The following PRUNE2 variants were observed in gnomAD, a reference collection of about 807,000 sequenced individuals.
The protein encoded by PRUNE2 is prune homolog 2 with BCH domain.
In PRUNE2, 164 loss-of-function variants were observed where a neutral mutation model predicts 252.0. The observed-to-expected ratio is 0.65, with a 90% confidence interval of 0.57 to 0.74. PRUNE2 has a LOEUF of 0.74. PRUNE2 is among the 30% of genes least tolerant of loss of function. PRUNE2 has a pLI of 0.00. For missense variants in PRUNE2, 3,495 were observed against 3,711.0 expected (o/e 0.94, Z 1.51); for synonymous variants, 1,292 against 1,350.2 (o/e 0.96, Z 0.94).
chr9:76,708,486 T>A lies in PRUNE2; in HGVS notation c.3788A>T (p.His1263Leu), dbSNP rs1424244804. 9.3e-6 allele frequency: 15 copies of A among 1,613,822 alleles called. No homozygotes were observed. The highest frequency in any genetic ancestry group is 1.7e-5 in the Admixed American group (1 of 59,980). Reference sequence around the variant, plus strand: ...AGAGGCTGCTGGCGCATCTGGGGAATGAGTGTCTTTAACATTTGCTGAATG... The same window carrying A: ...AGAGGCTGCTGGCGCATCTGGGGAAAGAGTGTCTTTAACATTTGCTGAATG... ...PSHSANVKDT[H>L]SPDAPAASGT... The change falls in exon 8 of 19, where the codon CAT becomes CTT. Residue 1263 changes from histidine (H) to leucine (L), a missense_variant. By Grantham distance (99) the His-to-Leu change is moderately conservative (BLOSUM62 -3). Coordinates refer to ENST00000376718, the MANE Select transcript of PRUNE2 (RefSeq NM_015225.3).
chr9:76,874,735 T>C (rs1018866899), intron 1 of PRUNE2, among the ~76,000 whole-genome samples: 11 of 152,124 alleles, frequency 7.2e-5, no homozygotes, highest in Non-Finnish European at 1.3e-4. Context: ...GGCTCAAGCA[T>C]CGCCTCAGAA....
intron 9 of PRUNE2, among the ~76,000 whole-genome samples, chr9:76,684,523 C>T (rs954255083): frequency 3.3e-5 from 5 of 152,178 alleles, no homozygotes; most frequent in Non-Finnish European, 5.9e-5. Context: ...GCTACCTCTT[C>T]GCAGTGGCAA....
intron 1 of PRUNE2, among the ~76,000 whole-genome samples, chr9:76,855,082 A>AAAAAAAAATATATATAT (rs1490285240): frequency 4.6e-5 from 5 of 109,414 alleles, no homozygotes; most frequent in African/African-American, 7.7e-5. Context: ...AAAAAAAAAA[A>AAAAAAAAATATATATAT]ATATATATAT....
intron 9 of PRUNE2, chr9:76,691,951 C>A (rs547815130): frequency 1.5e-6 from 1 of 653,562 alleles, no homozygotes; most frequent in East Asian, 2.8e-5. Flanking sequence ...ATCCTCTCAT[C>A]CCCCTCCCGT....
rs1235256663 is a variant in PRUNE2, at chr9:76,709,284, T to A, written c.2990A>T (p.Glu997Val). 3 of 1,613,716 alleles carry A rather than the reference T, an allele frequency of 1.9e-6. No homozygotes were observed. The Admixed American group carries it at 5.0e-5, about 27-fold the overall frequency. ...HKPFAKEEGF[E>V]SKDGNSTAEE... ...TGCCGTGGAGTTACCATCTTTTGAC[T>A]CAAAACCTTCCTCTTTAGCAAATGG... The change falls in exon 8 of 19, where the codon GAG becomes GTG. Residue 997 changes from glutamate to valine, a missense_variant. Physicochemically the swap from Glu to Val is moderately radical, Grantham distance 121. Transcript: ENST00000376718.
intron 4 of PRUNE2, among the ~76,000 whole-genome samples, chr9:76,839,410 T>G (rs564384894): frequency 6.6e-6 from 1 of 152,312 alleles, no homozygotes; most frequent in South Asian, 2.1e-4. Flanking sequence ...CGAGATACTA[T>G]AGATGAAACA....
At position 76,709,430 on chromosome 9, in the gene PRUNE2, A is replaced by G; in HGVS notation, c.2844T>C (p.Asp948=). 1 of 1,613,988 alleles carries G rather than the reference A, an allele frequency of 6.2e-7. No homozygotes were observed. Among genetic ancestry groups the G allele is most frequent in the East Asian group, 2.2e-5 (1 of 44,890 alleles). ...CTTCTCCTAGGTTGGATGCACTGTAATCAGAACATTTGTAAGATAAGAAGG... is the reference window on the plus strand; with the variant it reads ...CTTCTCCTAGGTTGGATGCACTGTAGTCAGAACATTTGTAAGATAAGAAGG... The part of the protein sequence containing the change: ...EDSFLSYKCS[D]YSASNLGEDS... The change falls in exon 8 of 19, where the codon GAT becomes GAC. Residue 948 remains aspartate, a synonymous_variant. Transcript: ENST00000376718.
chr9:76,637,572 A>G (rs1473539282), intron 13 of PRUNE2, 23 bp from the exon 14 acceptor site: 2 of 1,603,446 alleles, frequency 1.2e-6, no homozygotes, highest in East Asian at 2.2e-5. Context: ...AGGAAGAGGA[A>G]TGTTTTCAGT....
At chr9:76,640,054 T>C (rs1209960652) in intron 12 of PRUNE2, among the ~76,000 whole-genome samples, 2 of 152,236 alleles carry the variant, frequency 1.3e-5, no homozygotes, top group African/African-American at 4.8e-5. Context: ...TTTTTATTTT[T>C]TAGTATCCCT....
intron 1 of PRUNE2, among the ~76,000 whole-genome samples, chr9:76,865,319 C>T (rs1477065422): frequency 6.6e-6 from 1 of 152,042 alleles, no homozygotes; most frequent in East Asian, 1.9e-4. Context: ...ATAGTGAGAC[C>T]CTGCCGCTAC....
intron 6 of PRUNE2, among the ~76,000 whole-genome samples, chr9:76,776,953 C>T (rs1589166467): frequency 6.8e-6 from 1 of 146,264 alleles, no homozygotes; most frequent in African/African-American, 2.5e-5. Flanking sequence ...CACAAAGGGC[C>T]TGGACCTTTC....
intron 1 of PRUNE2, among the ~76,000 whole-genome samples, chr9:76,893,959 C>A (rs879658826): frequency 1.6e-4 from 25 of 152,192 alleles, no homozygotes; most frequent in Non-Finnish European, 3.2e-4. Context: ...TAGGGTCTTG[C>A]AAAGCAGATT....
At chr9:76,824,136 C>T (rs1365307275) in intron 5 of PRUNE2, among the ~76,000 whole-genome samples, 2 of 152,184 alleles carry the variant, frequency 1.3e-5, no homozygotes, top group Non-Finnish European at 2.9e-5. Flanking sequence ...CCACTACAGT[C>T]TCATTCTTCT....
At chr9:76,713,422 T>C (rs969405700) in intron 7 of PRUNE2, 141 bp downstream of exon 7, 3 of 507,874 alleles carry the variant, frequency 5.9e-6, no homozygotes, top group African/African-American at 2.0e-5. Flanking sequence ...CCCCATCATT[T>C]CCTAAAACTC....
chr9:76,657,209 G>T (rs1464756204), intron 9 of PRUNE2, among the ~76,000 whole-genome samples: 2 of 152,200 alleles, frequency 1.3e-5, no homozygotes, highest in Admixed American at 1.3e-4. Context: ...GTAGCAAAAT[G>T]CTGCTATTAA....
intron 6 of PRUNE2, among the ~76,000 whole-genome samples, chr9:76,822,622 A>G (rs112168699): frequency 7.5e-4 from 114 of 152,310 alleles, no homozygotes; most frequent in African/African-American, 2.5e-3. Flanking sequence ...AGCCTCACCA[A>G]TATGGTGAAA....
rs749326920 is a variant in PRUNE2 at position 76,708,875 on chromosome 9, G to A, written c.3399C>T (p.Asp1133=). ...TGCAGTCATCCCAGTCCAAATCATT[G>A]TCCATATCTGAGATCGTTGCAGTGG... ...TQSTATISDM[D]NDLDWDDCSG... is the part of the protein sequence containing the mutation. Residue 1133 remains aspartate, a synonymous_variant, in exon 8 of 19, where the codon GAC becomes GAT. Coordinates refer to ENST00000376718, the MANE Select transcript of PRUNE2 (RefSeq NM_015225.3). 8.1e-6 allele frequency: 13 copies of A among 1,613,810 alleles called. No homozygotes were observed. The highest frequency in any genetic ancestry group is 1.6e-4 in the Middle Eastern group (1 of 6,084).
chr9:76,657,591 T>G (rs1849719768), intron 9 of PRUNE2, among the ~76,000 whole-genome samples: 1 of 152,230 alleles, frequency 6.6e-6, no homozygotes, highest in Non-Finnish European at 1.5e-5. Flanking sequence ...CTGAGAAGAT[T>G]AGTTGGCCAT....
At chr9:76,843,993 G>A (rs1005106181) in intron 4 of PRUNE2, among the ~76,000 whole-genome samples, 1 of 152,156 alleles carries the variant, frequency 6.6e-6, no homozygotes, top group Non-Finnish European at 1.5e-5. Context: ...CTCCCAAAGT[G>A]CTAGGATTAC....
Sources: gnomAD v4.1 joint callset for allele counts (sites outside exome capture counted in the v4.1 genomes callset) on GRCh38, gnomAD v4.1.1 for gene constraint, MANE v1.5 for transcripts, NCBI Gene and HGNC (gene_info 2026-07-23, HGNC 2026-07-21) for gene names.